Variants in UBE2U observed in about 807,000 individuals in gnomAD.
UBE2U encodes the protein ubiquitin-conjugating enzyme E2 U.
UBE2U carries 39 observed loss-of-function variants against 41.2 expected under a neutral mutation model. The observed-to-expected ratio is 0.95, with a 90% CI of 0.73 to 1.24. The LOEUF (loss-of-function observed/expected upper bound fraction) is 1.24. Ranked by LOEUF, UBE2U falls within the 50% of genes most tolerant of loss-of-function variation. The pLI is 0.00. For missense variants in UBE2U, 336 were observed against 363.1 expected, an observed-to-expected ratio of 0.93 and a Z score of 0.61; for synonymous variants, 107 against 117.8, an observed-to-expected ratio of 0.91 and a Z score of 0.60.
intron 7 of UBE2U, among the ~76,000 whole-genome samples, chr1:64,233,240 C>T (rs1040322309): frequency 2.4e-4 from 36 of 151,960 alleles, no homozygotes; most frequent in African/African-American, 8.2e-4. Flanking sequence ...ATCTCCTGAC[C>T]TCGTGATCCG....
chr1:64,241,826 C>A, intron 8 of UBE2U, 93 bp downstream of exon 8: 1 of 913,286 alleles, frequency 1.1e-6, no homozygotes, highest in Middle Eastern at 2.3e-4. Context: ...ACAGAAGAAA[C>A]CCTTGGAAAT....
chr1:64,257,721 G>A (rs886984874), intron 8 of UBE2U, among the ~76,000 whole-genome samples: 2 of 152,086 alleles, frequency 1.3e-5, no homozygotes, highest in African/African-American at 2.4e-5. Context: ...CATGGCACAC[G>A]TTTACCTATG....
At chr1:64,217,589 T>A (rs1156263691) in intron 5 of UBE2U, among the ~76,000 whole-genome samples, 3 of 152,212 alleles carry the variant, frequency 2.0e-5, no homozygotes, top group Non-Finnish European at 4.4e-5. Flanking sequence ...GTGTCATTTT[T>A]AAAACCTTTG....
chr1:64,204,025 A>G lies in UBE2U; in HGVS notation c.-26A>G, dbSNP rs199760844. Reference sequence around the variant, plus strand: ...GAGTAAACCTGAGGCATTTGGGGACAAGTGTCAGACCCTCCGCTGCCTATC... The same window carrying G: ...GAGTAAACCTGAGGCATTTGGGGACGAGTGTCAGACCCTCCGCTGCCTATC... On this transcript the variant is annotated 5_prime_UTR_variant, in exon 1 of 10. Transcript: ENST00000371077. 7.5e-6 allele frequency: 12 copies of G among 1,608,324 alleles called. No homozygotes were observed. The highest frequency in any genetic ancestry group is 4.4e-5 in the South Asian group (4 of 90,108).
intron 8 of UBE2U, among the ~76,000 whole-genome samples, chr1:64,253,008 G>A (rs1256642575): frequency 6.6e-6 from 1 of 152,114 alleles, no homozygotes; most frequent in African/African-American, 2.4e-5. Flanking sequence ...AAGAAGCTGA[G>A]AATCATGATA....
At chr1:64,215,589 C>G (rs1488702169) in intron 5 of UBE2U, 1 of 152,356 alleles carries the variant, frequency 6.6e-6, no homozygotes, top group South Asian at 2.1e-4. Flanking sequence ...ACCTGCAGTA[C>G]TCCAGATCTT....
intron 8 of UBE2U, among the ~76,000 whole-genome samples, chr1:64,256,095 C>A (rs947212560): frequency 6.6e-6 from 1 of 152,078 alleles, no homozygotes; most frequent in Admixed American, 6.6e-5. Context: ...CAGAGAACCA[C>A]AAACCACTGT....
intron 8 of UBE2U, among the ~76,000 whole-genome samples, chr1:64,242,064 TA>T (rs1053932209): frequency 2.8e-5 from 4 of 143,502 alleles, no homozygotes; most frequent in Non-Finnish European, 6.2e-5. Context: ...GCTTTTTTTT[TA>T]AAAAAAAGAA....
chr1:64,225,308 G>A (rs1435274876), intron 6 of UBE2U, among the ~76,000 whole-genome samples: 1 of 152,186 alleles, frequency 6.6e-6, no homozygotes, highest in Non-Finnish European at 1.5e-5. Context: ...TGTATGCTGT[G>A]AGAGAATCAG....
intron 6 of UBE2U, among the ~76,000 whole-genome samples, chr1:64,221,215 G>T (rs190484086): frequency 6.6e-6 from 1 of 152,020 alleles, no homozygotes; most frequent in Non-Finnish European, 1.5e-5. Context: ...CGGTTCAAGC[G>T]ATTCTCCTGC....
chr1:64,241,661 T>A lies in UBE2U; in HGVS notation c.605T>A (p.Val202Asp). ...AATATTCTAATTTCAGTGCTCAAAG[T>A]TCCAAATTTCATTGGACAGTATTAC... is the stretch of plus-strand genomic sequence containing the variant. ...TEYYRTPLLK[V>D]PNFIGQYYKW... The change falls in exon 8 of 10, where the codon GTT becomes GAT. Residue 202 changes from valine to aspartate, a missense_variant. By Grantham distance (152) the Val-to-Asp change is radical (BLOSUM62 -3). Transcript: ENST00000371077. 3 of 1,605,426 alleles carry A rather than the reference T, an allele frequency of 1.9e-6. No homozygotes were observed. Among genetic ancestry groups the A allele is most frequent in the Non-Finnish European group, 2.5e-6 (3 of 1,176,668 alleles).
intron 5 of UBE2U, chr1:64,215,649 T>C (rs1163327026): frequency 1.3e-5 from 2 of 152,226 alleles, no homozygotes; most frequent in East Asian, 1.9e-4. Context: ...CAATGATTTT[T>C]TTCCGGAGAG....
At chr1:64,266,815 AAGCATCAAAAGATTG>A (rs1645261395) in intron 9 of UBE2U, among the ~76,000 whole-genome samples, 194 bp from the exon 10 acceptor site, 1 of 152,190 alleles carries the variant, frequency 6.6e-6, no homozygotes, top group Non-Finnish European at 1.5e-5. Context: ...TGAACTAACA[AAGCATCAAAAGATTG>A]AGCAAAATGG....
intron 8 of UBE2U, among the ~76,000 whole-genome samples, chr1:64,245,206 T>G (rs1644900469): frequency 6.6e-6 from 1 of 152,226 alleles, no homozygotes; most frequent in African/African-American, 2.4e-5. Flanking sequence ...TCTTTCCTAT[T>G]GGCTTGAGTG....
intron 9 of UBE2U, among the ~76,000 whole-genome samples, chr1:64,262,177 C>A (rs1205705971): frequency 1.3e-5 from 2 of 152,208 alleles, no homozygotes; most frequent in Non-Finnish European, 2.9e-5. Flanking sequence ...AATGCCTATG[C>A]ATCCTTTGAG....
chr1:64,250,512 C>T (rs1644989167), intron 8 of UBE2U, among the ~76,000 whole-genome samples: 2 of 152,092 alleles, frequency 1.3e-5, no homozygotes, highest in Admixed American at 6.5e-5. Context: ...TATACGAAAA[C>T]TACAAATCAA....
At chr1:64,251,375 T>G (rs1645008246) in intron 8 of UBE2U, among the ~76,000 whole-genome samples, 2 of 151,974 alleles carry the variant, frequency 1.3e-5, no homozygotes, top group African/African-American at 2.4e-5. Flanking sequence ...ATTTGAAAAT[T>G]TCGAATAATG....
In UBE2U at chr1:64,267,107, A is replaced by G; in HGVS notation, c.853A>G (p.Thr285Ala). The G allele has an allele frequency of 6.4e-7, 1 of 1,550,504 alleles. No homozygotes were observed. The highest frequency in any genetic ancestry group is 1.7e-4 in the Middle Eastern group (1 of 5,992). Residue 285 changes from threonine to alanine, a missense_variant, in exon 10 of 10, where the codon ACT becomes GCT. Thr to Ala is a moderately conservative substitution (Grantham distance 58, BLOSUM62 0). Coordinates refer to ENST00000371077, the MANE Select transcript of UBE2U (RefSeq NM_001366232.2). ...AGAAGAGGAGGGGTGGAAGAGTGAC[A>G]CTTCATTATATGAAAATGACACAGA... ...ETEEEGWKSD[T>A]SLYENDTDEP...
intron 7 of UBE2U, among the ~76,000 whole-genome samples, chr1:64,240,017 C>T (rs1644808448): frequency 1.3e-5 from 2 of 152,170 alleles, no homozygotes; most frequent in South Asian, 4.1e-4. Context: ...TTCTCCACAT[C>T]CTCTCCAGCA....
Sources: gnomAD v4.1 joint callset for allele counts (sites outside exome capture counted in the v4.1 genomes callset) on GRCh38, gnomAD v4.1.1 for gene constraint, MANE v1.5 for transcripts, NCBI Gene and HGNC (gene_info 2026-07-23, HGNC 2026-07-21) for gene names.